Variants in CDH15 observed in about 807,000 individuals in gnomAD.
CDH15 encodes the protein cadherin 15, also known as cadherin-15.
Under a neutral mutation model 69.4 loss-of-function variants are expected in CDH15, and 73 were observed. The observed-to-expected ratio is 1.05, with a 90% CI of 0.87 to 1.28. The LOEUF (loss-of-function observed/expected upper bound fraction) is 1.28, where lower values mean the gene tolerates loss of function less well. Among genes scored for constraint, CDH15 ranks in the 50% most tolerant of loss-of-function variants. The pLI is 0.00. For synonymous variants in CDH15, 624 were observed against 507.7 expected, an observed-to-expected ratio of 1.23 and a Z score of -3.08; for missense variants, 1,343 against 1,133.6, an observed-to-expected ratio of 1.18 and a Z score of -2.65.
At chr16:89,189,065 CGG>C (rs1205889507) in intron 7 of CDH15, among the ~76,000 whole-genome samples, 8 of 132,442 alleles carry the variant, frequency 6.0e-5, no homozygotes, top group East Asian at 2.4e-4. Context: ...ACACAGATGC[CGG>C]CACACACAGA....
intron 1 of CDH15, among the ~76,000 whole-genome samples, chr16:89,178,740 C>T (rs894300184): frequency 3.9e-5 from 6 of 152,232 alleles, no homozygotes; most frequent in African/African-American, 1.4e-4. Context: ...GATACATCTC[C>T]AGCTGCTCTT....
chr16:89,194,479 GAA>G (rs1024414240), intron 13 of CDH15, among the ~76,000 whole-genome samples: 13 of 152,184 alleles, frequency 8.5e-5, no homozygotes, highest in Non-Finnish European at 1.8e-4. Flanking sequence ...CAGAGCCTCC[GAA>G]AGGCAGACGG....
In CDH15 at chr16:89,194,854, C is replaced by G. The variant is rs766245380; in HGVS notation, c.2152-8C>G. On this transcript the variant is annotated splice_polypyrimidine_tract_variant and splice_region_variant and intron_variant, in intron 13 of 13. Transcript: ENST00000289746. ...CATGTGTCTTGAGCTCTCCGGGCCT[C>G]TTTATAGGGCTTGGAGGCTGCAGAT... The G allele has an allele frequency of 2.6e-5, 42 of 1,598,612 alleles. No homozygotes were observed. Among genetic ancestry groups the G allele is most frequent in the Non-Finnish European group, 3.5e-5 (41 of 1,171,920 alleles).
At chr16:89,178,673 T>G (rs1915309674) in intron 1 of CDH15, among the ~76,000 whole-genome samples, 1 of 152,046 alleles carries the variant, frequency 6.6e-6, no homozygotes, top group African/African-American at 2.4e-5. Flanking sequence ...CAGCAGCAGC[T>G]GCAGGCCGGT....
At chr16:89,188,600 A>G (rs557374754) in intron 7 of CDH15, among the ~76,000 whole-genome samples, 1 of 146,252 alleles carries the variant, frequency 6.8e-6, no homozygotes, top group South Asian at 2.2e-4. Flanking sequence ...GCCCACACAC[A>G]GATGCCCACG....
intron 10 of CDH15, 143 bp downstream of exon 10, chr16:89,192,037 C>A: frequency 8.7e-7 from 1 of 1,149,938 alleles, no homozygotes; most frequent in South Asian, 1.5e-5. Flanking sequence ...CCCCCCACCA[C>A]TGCATCCTCC....
chr16:89,185,221 C>G lies in CDH15; in HGVS notation c.551C>G (p.Thr184Arg), dbSNP rs748384080. ...AEATDADDPE[T>R]DNAALRFSIL... ...GCCACAGATGCCGACGACCCCGAGA[C>G]GGACAACGCAGCGCTGCGGTTCTCC... Residue 184 changes from threonine (T) to arginine (R), a missense_variant, in exon 5 of 14, where the codon ACG (threonine) becomes AGG (arginine). By Grantham distance (71) the Thr-to-Arg change is moderately conservative. Transcript: ENST00000289746. The G allele has an allele frequency of 2.8e-5, 45 of 1,606,094 alleles. No individual in the cohort carries two copies. The highest frequency in any genetic ancestry group is 3.8e-5 in the Non-Finnish European group (45 of 1,176,770).
intron 13 of CDH15, 59 bp downstream of exon 13, chr16:89,193,972 GCACATGTACACACCTGCACATGCA>G (rs980533197): frequency 8.9e-5 from 140 of 1,567,018 alleles, no homozygotes; most frequent in Non-Finnish European, 1.1e-4. Flanking sequence ...ACACACACAT[GCACATGTACACACCTGCACATGCA>G]TGCAAGAACC....
At chr16:89,190,648 G>A (rs748526814) in intron 8 of CDH15, 152 bp downstream of exon 8, 1 of 1,034,748 alleles carries the variant, frequency 9.7e-7, no homozygotes. Context: ...CGAGTCCCGA[G>A]CATGCCCGTG....
At chr16:89,177,282 G>T (rs138011679) in intron 1 of CDH15, among the ~76,000 whole-genome samples, 1 of 152,174 alleles carries the variant, frequency 6.6e-6, no homozygotes. Context: ...GGCTGTGAGC[G>T]CTGGGCATGT....
chr16:89,179,498 G>A lies in CDH15; in HGVS notation c.125G>A (p.Arg42His), dbSNP rs763341735. 28 of 1,613,164 alleles carry A rather than the reference G, an allele frequency of 1.7e-5. No individual in the cohort carries two copies. The highest frequency in any genetic ancestry group is 4.5e-5 in the East Asian group (2 of 44,894). Residue 42 changes from arginine to histidine, a missense_variant, in exon 2 of 14, where the codon CGC becomes CAC. Coordinates refer to ENST00000289746, the MANE Select transcript of CDH15 (RefSeq NM_004933.3). ...YPWRRAPALS[R>H]VRRAWVIPPI... ...TGGCGCCGGGCGCCTGCCCTGAGCC[G>A]CGTGCGGAGGGCCTGGGTCATCCCC...
At chr16:89,192,477 C>G (rs1033056976) in intron 11 of CDH15, 33 bp downstream of exon 11, 3 of 1,556,106 alleles carry the variant, frequency 1.9e-6, no homozygotes, top group African/African-American at 1.4e-5. Flanking sequence ...CCTGGACCCT[C>G]GGACCCTCGG....
chr16:89,172,301 C>T (rs994686571), intron 1 of CDH15, among the ~76,000 whole-genome samples: 2 of 152,068 alleles, frequency 1.3e-5, no homozygotes. Flanking sequence ...GGCACAGGAC[C>T]CCTGGCTAGT....
intron 8 of CDH15, 37 bp downstream of exon 8, chr16:89,190,533 C>A: frequency 6.4e-7 from 1 of 1,564,872 alleles, no homozygotes; most frequent in Non-Finnish European, 8.7e-7. Context: ...GTAGAGGAGG[C>A]TAACGGCCCC....
chr16:89,194,540 T>C (rs1384204393), intron 13 of CDH15, among the ~76,000 whole-genome samples: 2 of 151,760 alleles, frequency 1.3e-5, no homozygotes, highest in Admixed American at 6.6e-5. Flanking sequence ...CTGCCTTGAG[T>C]GGACAAGGGC....
intron 3 of CDH15, among the ~76,000 whole-genome samples, chr16:89,181,025 A>C (rs1915367711): frequency 7.0e-6 from 1 of 143,182 alleles, no homozygotes; most frequent in East Asian, 2.4e-4. Flanking sequence ...GCTGGAGTGC[A>C]GTGGCACAAT....
At chr16:89,181,544 G>A (rs1915376782) in intron 3 of CDH15, among the ~76,000 whole-genome samples, 3 of 152,218 alleles carry the variant, frequency 2.0e-5, no homozygotes, top group Admixed American at 1.3e-4. Flanking sequence ...TTGGAAGGCT[G>A]AGGTGGGAGG....
intron 7 of CDH15, among the ~76,000 whole-genome samples, chr16:89,189,332 C>T (rs1450045915): frequency 1.3e-5 from 2 of 151,206 alleles, no homozygotes; most frequent in African/African-American, 2.4e-5. Context: ...CATGCCGGCA[C>T]ACACAGATGC....
chr16:89,193,818 C>G lies in CDH15; in HGVS notation c.2056C>G (p.Pro686Ala). The stretch of plus-strand genomic sequence containing the variant: ...GCTGAGCCTGCCTCTGGGACCGCCG[C>G]CACTTCGCAGAGATGCCCCGCAGGG... ...TALSLPLGPP[P>A]LRRDAPQGRL... is the part of the protein sequence containing the mutation. The change falls in exon 13 of 14, where the codon CCA (proline) becomes GCA (alanine). Residue 686 changes from proline to alanine, a missense_variant. Pro to Ala is a conservative substitution (Grantham distance 27, BLOSUM62 -1). Transcript: ENST00000289746. The G allele has an allele frequency of 6.2e-7, 1 of 1,609,998 alleles. No individual in the cohort carries two copies. Among genetic ancestry groups the G allele is most frequent in the Non-Finnish European group, 8.5e-7 (1 of 1,179,646 alleles).
Sources: allele counts gnomAD v4.1 joint callset (sites outside exome capture counted in the v4.1 genomes callset), GRCh38; gene constraint gnomAD v4.1.1; transcripts MANE v1.5; gene names NCBI Gene and HGNC (gene_info 2026-07-23, HGNC 2026-07-21).